Variants in PLCZ1 observed in about 807,000 individuals in gnomAD.
The protein encoded by PLCZ1 is phospholipase C zeta 1.
Under a neutral mutation model 76.8 loss-of-function variants are expected in PLCZ1, and 64 were observed. The observed-to-expected ratio is 0.83, with a 90% confidence interval of 0.68 to 1.03. The LOEUF is 1.03. PLCZ1 is among the 50% of genes least tolerant of loss of function. The pLI, the probability that PLCZ1 is intolerant of heterozygous loss-of-function variation, is 0.00. For missense variants in PLCZ1, 751 were observed against 713.7 expected, an observed-to-expected ratio of 1.05 and a Z score of -0.60; for synonymous variants, 248 against 230.8, an observed-to-expected ratio of 1.07 and a Z score of -0.68.
At chr12:18,654,606 A>G in the PLCZ1 span, among the ~76,000 whole-genome samples, 1 of 152,186 alleles carries the variant, frequency 6.6e-6, no homozygotes, top group East Asian at 1.9e-4. Flanking sequence ...AAATATTTGG[A>G]AAATTTGTGG....
intron 3 of PLCZ1, among the ~76,000 whole-genome samples, chr12:18,727,093 C>A (rs1958797015): frequency 1.3e-5 from 2 of 152,086 alleles, no homozygotes; most frequent in African/African-American, 4.8e-5. Flanking sequence ...TGCCTGCAAT[C>A]CCCAAGCTTT....
intron 12 of PLCZ1, chr12:18,692,639 G>T: frequency 1.7e-6 from 1 of 605,060 alleles, no homozygotes; most frequent in Non-Finnish European, 2.9e-6. Context: ...GGGGCAGGAG[G>T]ACTAATTATG....
At chr12:18,693,759 T>C (rs3813895) in intron 12 of PLCZ1, 392,092 of 1,519,252 alleles carry the variant, frequency 0.26, 54,169 homozygotes, top group East Asian at 0.5. Flanking sequence ...GTGAAAGCTA[T>C]CATGGCCACA....
chr12:18,713,546 G>T (rs1246641271), intron 5 of PLCZ1, among the ~76,000 whole-genome samples: 1 of 152,140 alleles, frequency 6.6e-6, no homozygotes, highest in African/African-American at 2.4e-5. Flanking sequence ...TACACAGTAT[G>T]GAAGCTAGAG....
At chr12:18,701,665 C>A in intron 8 of PLCZ1, 27 bp downstream of exon 8, 1 of 1,612,196 alleles carries the variant, frequency 6.2e-7, no homozygotes, top group East Asian at 2.2e-5. Flanking sequence ...CCATCTGCCA[C>A]TTCTTCTTCC....
the PLCZ1 span, among the ~76,000 whole-genome samples, chr12:18,654,673 A>G: frequency 2.0e-5 from 3 of 152,202 alleles, no homozygotes; most frequent in South Asian, 6.2e-4. Flanking sequence ...GGGAAATCAG[A>G]CAAGATGATT....
chr12:18,719,642 T>C lies in PLCZ1; in HGVS notation c.368-10A>G. 6.5e-7 allele frequency: 1 copy of C among 1,547,830 alleles called. No individual in the cohort carries two copies. The highest frequency in any genetic ancestry group is 8.8e-7 in the Non-Finnish European group (1 of 1,139,510). The stretch of plus-strand genomic sequence containing the variant: ...TGGTGTGCTTTCCTAACTAAAAAAA[T>C]AAAATAAAATAAGTTAAAAGGATGC... On this transcript the variant is annotated splice_polypyrimidine_tract_variant and intron_variant, in intron 4 of 14. Coordinates refer to ENST00000266505, the MANE Select transcript of PLCZ1 (RefSeq NM_033123.4).
rs866306109 is a variant in PLCZ1 at position 18,690,222 on chromosome 12, T to G, written c.1462-2004A>C. Among the ~76,000 whole-genome samples the G allele has an allele frequency of 2.6e-5, 4 of 152,160 alleles. No homozygotes were observed. In the South Asian group the frequency reaches 8.3e-4, roughly 32 times the overall value. On this transcript the variant is annotated intron_variant, in intron 12 of 14. Coordinates refer to ENST00000266505, the MANE Select transcript of PLCZ1 (RefSeq NM_033123.4). Reference sequence around the variant, plus strand: ...AACACATCTGTTTTTTGTTTGTTTGTTTGTTTGTTTGTTTCTTTGAGACGA... The same window carrying G: ...AACACATCTGTTTTTTGTTTGTTTGGTTGTTTGTTTGTTTCTTTGAGACGA...
the PLCZ1 span, among the ~76,000 whole-genome samples, chr12:18,664,244 C>A: frequency 6.6e-5 from 10 of 152,156 alleles, no homozygotes; most frequent in Non-Finnish European, 1.3e-4. Context: ...CATAGATTTA[C>A]CACATAATCC....
the PLCZ1 span, among the ~76,000 whole-genome samples, chr12:18,650,293 TTCTCTCTCTCTC>T: frequency 0.1 from 9,190 of 87,576 alleles, 547 homozygotes; most frequent in African/African-American, 0.13. Flanking sequence ...TAACCCAAAT[TTCTCTCTCTCTC>T]TCTCTCTCTC....
Position 18,705,275 on chromosome 12 carries a change from C to A in PLCZ1, c.755G>T (p.Cys252Phe). 6.2e-7 allele frequency: 1 copy of A among 1,614,046 alleles called. No homozygotes were observed. The highest frequency in any genetic ancestry group is 8.5e-7 in the Non-Finnish European group (1 of 1,179,996). ...YPVVLSLENHCSTAQQEVMAD... is the reference protein window; with the variant it reads ...YPVVLSLENHFSTAQQEVMAD... ...CATTACTTCTTGTTGGGCAGTGGAG[C>A]AGTGATTTTCTAAAGAGAGCACCAC... is the stretch of plus-strand genomic sequence containing the variant. The change falls in exon 7 of 15, where the codon TGC (cysteine) becomes TTC (phenylalanine). Residue 252 changes from cysteine to phenylalanine, a missense_variant. By Grantham distance (205) the Cys-to-Phe change is radical. Coordinates refer to ENST00000266505, the MANE Select transcript of PLCZ1 (RefSeq NM_033123.4).
At chr12:18,705,591 C>T (rs1246040643) in intron 6 of PLCZ1, among the ~76,000 whole-genome samples, 1 of 152,086 alleles carries the variant, frequency 6.6e-6, no homozygotes, top group Non-Finnish European at 1.5e-5. Flanking sequence ...ACTGGCCAGG[C>T]TCAGTGGCTC....
intron 9 of PLCZ1, among the ~76,000 whole-genome samples, 163 bp downstream of exon 9, chr12:18,701,338 T>A (rs1955884838): frequency 6.6e-6 from 1 of 152,094 alleles, no homozygotes; most frequent in Non-Finnish European, 1.5e-5. Context: ...ATTTAAAAAA[T>A]TCATCTTCCA....
intron 5 of PLCZ1, among the ~76,000 whole-genome samples, chr12:18,716,275 T>C (rs1362083877): frequency 6.6e-6 from 1 of 152,140 alleles, no homozygotes; most frequent in East Asian, 1.9e-4. Context: ...AAGAACTATA[T>C]TGTGAAAGAA....
intron 7 of PLCZ1, among the ~76,000 whole-genome samples, chr12:18,704,474 T>A (rs1255180685): frequency 6.6e-6 from 1 of 152,022 alleles, no homozygotes; most frequent in Non-Finnish European, 1.5e-5. Flanking sequence ...TACAGGTGGA[T>A]GCCACGACAC....
Position 18,735,855 on chromosome 12 carries a change from G to A in PLCZ1, c.135+366C>T, listed in dbSNP as rs78439450. 1,194 of 154,708 alleles carry A rather than the reference G, an allele frequency of 7.7e-3. 18 individuals are homozygous for A. The highest frequency in any genetic ancestry group is 0.028 in the African/African-American group (1,157 of 41,390). 9.6% of individuals were successfully genotyped at this position (154,708 alleles called of 1,614,324 possible). A position where few individuals can be genotyped will look rare whatever the true frequency, so the allele number is the denominator to read the frequency against. ...TTTCTTTTCTATTTTAGTTATTTCT[G>A]TGCTAATCTGTATTATTTCCTCCCT... On this transcript the variant is annotated intron_variant, in intron 3 of 14. Transcript: ENST00000266505.
At chr12:18,726,835 T>C (rs1165896774) in intron 3 of PLCZ1, among the ~76,000 whole-genome samples, 1 of 152,150 alleles carries the variant, frequency 6.6e-6, no homozygotes, top group Non-Finnish European at 1.5e-5. Context: ...GGAAATGATA[T>C]GACTTGCCAC....
At chr12:18,670,595 G>A in the PLCZ1 span, among the ~76,000 whole-genome samples, 7 of 152,062 alleles carry the variant, frequency 4.6e-5, no homozygotes, top group Admixed American at 1.3e-4. Context: ...GGTTAACTTC[G>A]TTTCTGCATA....
At chr12:18,715,344 G>A (rs1957853679) in intron 5 of PLCZ1, among the ~76,000 whole-genome samples, 2 of 151,826 alleles carry the variant, frequency 1.3e-5, no homozygotes, top group South Asian at 4.2e-4. Flanking sequence ...CACCAACCAA[G>A]CCAAATCTTT....
Sources: gnomAD v4.1 joint callset for allele counts (sites outside exome capture counted in the v4.1 genomes callset) on GRCh38, gnomAD v4.1.1 for gene constraint, MANE v1.5 for transcripts, NCBI Gene and HGNC (gene_info 2026-07-23, HGNC 2026-07-21) for gene names.